Variants in AACS observed in about 807,000 individuals in gnomAD.
The protein encoded by AACS is acetoacetyl-CoA synthetase, also known as acetoacetate-CoA ligase.
In AACS, 69 loss-of-function variants were observed where a neutral mutation model predicts 83.1. The ratio of observed to expected loss-of-function variants is 0.83; its 90% CI spans 0.68 to 1.01. AACS has a LOEUF of 1.01. Ranked by LOEUF, AACS falls within the 50% of genes least tolerant of loss-of-function variation. The pLI is 0.00. For missense variants in AACS, 866 were observed against 882.2 expected, an observed-to-expected ratio of 0.98 and a Z score of 0.23; for synonymous variants, 333 against 343.4, an observed-to-expected ratio of 0.97 and a Z score of 0.33.
In AACS at chr12:125,124,897, C is replaced by T; in HGVS notation, c.1187-5C>T. On this transcript the variant is annotated splice_region_variant and splice_polypyrimidine_tract_variant and intron_variant, in intron 11 of 17. Coordinates refer to ENST00000316519, the MANE Select transcript of AACS (RefSeq NM_023928.5). ...TTTTAATCTTTTGGTGACTCTGCACCCCAGTGGAAACCCACAGTCTCCAGA... is the reference window on the plus strand; with the variant it reads ...TTTTAATCTTTTGGTGACTCTGCACTCCAGTGGAAACCCACAGTCTCCAGA... The T allele has an allele frequency of 6.2e-7, 1 of 1,614,166 alleles. No homozygotes were observed. The highest frequency in any genetic ancestry group is 2.2e-5 in the East Asian group (1 of 44,884).
At chr12:125,136,623 G>A in intron 16 of AACS, 39 bp from the exon 17 acceptor site, 1 of 1,589,090 alleles carries the variant, frequency 6.3e-7, no homozygotes, top group Non-Finnish European at 8.6e-7. Flanking sequence ...ACACTGAGGG[G>A]CCCCCTGCGT....
At chr12:125,112,927 C>T (rs966277776) in intron 8 of AACS, among the ~76,000 whole-genome samples, 2 of 152,152 alleles carry the variant, frequency 1.3e-5, no homozygotes, top group Non-Finnish European at 2.9e-5. Context: ...GGAGAAACTG[C>T]CCCCGTGAGT....
chr12:125,074,648 TAC>T (rs1326483842), intron 2 of AACS, among the ~76,000 whole-genome samples: 3 of 151,514 alleles, frequency 2.0e-5, no homozygotes, highest in African/African-American at 7.3e-5. Flanking sequence ...TAAGTACATT[TAC>T]ATTGTTGTAG....
chr12:125,101,105 C>CT (rs1456953834), intron 5 of AACS: 1 of 152,220 alleles, frequency 6.6e-6, no homozygotes, highest in Admixed American at 6.5e-5. Context: ...TGGGCGATGG[C>CT]TACCCATGTT....
chr12:125,069,364 G>A (rs1004854246), intron 1 of AACS, among the ~76,000 whole-genome samples: 2 of 152,216 alleles, frequency 1.3e-5, no homozygotes, highest in Non-Finnish European at 2.9e-5. Context: ...CCGTGAGCCC[G>A]TCTTCCCAGA....
At chr12:125,136,997 C>T in intron 17 of AACS, 133 bp downstream of exon 17, 1 of 832,758 alleles carries the variant, frequency 1.2e-6, no homozygotes, top group South Asian at 1.7e-5. Context: ...CAACGCCATC[C>T]TCTCCCTGCC....
At position 125,099,545 on chromosome 12, in the gene AACS, G is replaced by A. The variant is rs78229655; in HGVS notation, c.571-3134G>A. On this transcript the variant is annotated intron_variant, in intron 5 of 17. Coordinates refer to ENST00000316519, the MANE Select transcript of AACS (RefSeq NM_023928.5). ...GCCACATGCTTCAGCTTAGTCACCTGCAATATGAGGGTGATAAGGCCACCC... is the reference window on the plus strand; with the variant it reads ...GCCACATGCTTCAGCTTAGTCACCTACAATATGAGGGTGATAAGGCCACCC... Among the ~76,000 whole-genome samples, 984 of 152,310 alleles carry A rather than the reference G, an allele frequency of 6.5e-3. 31 individuals are homozygous for A. In the East Asian group the frequency reaches 0.092, roughly 14 times the overall value.
intron 8 of AACS, among the ~76,000 whole-genome samples, chr12:125,112,678 C>CAAAAAAAAAAAAAA (rs56314902): frequency 1.4e-4 from 15 of 108,382 alleles, no homozygotes; most frequent in African/African-American, 2.3e-4. Flanking sequence ...GACTCTGTCT[C>CAAAAAAAAAAAAAA]AAAAAAAAAA....
intron 8 of AACS, among the ~76,000 whole-genome samples, chr12:125,109,002 C>G (rs546604600): frequency 2.0e-5 from 3 of 151,212 alleles, no homozygotes; most frequent in African/African-American, 7.3e-5. Context: ...TCAACCAAAC[C>G]TTTTATTTTT....
intron 1 of AACS, among the ~76,000 whole-genome samples, chr12:125,068,935 G>A (rs1018158682): frequency 1.3e-5 from 2 of 151,694 alleles, no homozygotes; most frequent in African/African-American, 4.8e-5. Flanking sequence ...CGCCTCCCGG[G>A]TTCAAGCAGT....
chr12:125,065,664 C>G lies in AACS; in HGVS notation c.80C>G (p.Thr27Arg). Reference protein sequence around the residue: ...VMWEPDSKKNTQMDRFRAAVG... With the variant: ...VMWEPDSKKNRQMDRFRAAVG... ...TGGGAGCCTGACAGTAAGAAGAACA[C>G]GCAGATGGACCGCTTCCGGGCGGCT... The change falls in exon 1 of 18, where the codon ACG (threonine) becomes AGG (arginine). Residue 27 changes from threonine (T) to arginine (R), a missense_variant. Physicochemically the swap from Thr to Arg is moderately conservative, Grantham distance 71 (BLOSUM62 -1). Transcript: ENST00000316519. 6.5e-7 allele frequency: 1 copy of G among 1,546,944 alleles called. No homozygotes were observed. Among genetic ancestry groups the G allele is most frequent in the Non-Finnish European group, 8.7e-7 (1 of 1,145,210 alleles).
intron 3 of AACS, among the ~76,000 whole-genome samples, chr12:125,079,484 C>T (rs147313920): frequency 5.9e-4 from 90 of 152,228 alleles, no homozygotes; most frequent in African/African-American, 2.0e-3. Context: ...CAGGCTCAAG[C>T]GATCCTCCCA....
At chr12:125,073,309 C>G (rs1352884695) in intron 1 of AACS, among the ~76,000 whole-genome samples, 1 of 152,160 alleles carries the variant, frequency 6.6e-6, no homozygotes, top group African/African-American at 2.4e-5. Context: ...GTAACACCTC[C>G]CAACATTATA....
intron 3 of AACS, chr12:125,078,238 C>G (rs11058029): frequency 5.9e-5 from 27 of 456,008 alleles, no homozygotes; most frequent in South Asian, 4.0e-4. Flanking sequence ...CAGTTCCCAC[C>G]GAGACTTACT....
rs1301389291 is a variant in AACS at position 125,105,462 on chromosome 12, C to T, written c.768-1659C>T. On this transcript the variant is annotated intron_variant, in intron 7 of 17. Transcript: ENST00000316519. ...GCGCTGGCTTTCTTTCATGCAACCT[C>T]GGATTTTGTGCCCCAGGTGTATGGA... 13 of 152,204 alleles carry T rather than the reference C, an allele frequency of 8.5e-5. No individual in the cohort carries two copies. The East Asian group carries it at 2.3e-3, about 27-fold the overall frequency. The allele number at this position is 152,204 out of a possible 1,614,324, so 9.4% of individuals were successfully genotyped here.
intron 7 of AACS, chr12:125,105,165 A>G (rs1267453423): frequency 2.6e-5 from 4 of 152,174 alleles, no homozygotes; most frequent in African/African-American, 7.2e-5. Flanking sequence ...TGGAGGTTAC[A>G]TTTCAACACG....
rs997653074 is a variant in AACS at position 125,086,386 on chromosome 12, G to C, written c.415G>C (p.Ala139Pro). 8.7e-6 allele frequency: 14 copies of C among 1,614,100 alleles called. No homozygotes were observed. Among genetic ancestry groups the C allele is most frequent in the Non-Finnish European group, 1.2e-5 (14 of 1,180,054 alleles). ...TTTTGAAGAGCTGAGGCAAGAAGTG[G>C]CTTTGTTTGCAGCAGCAATGAGGAA... ...VTFEELRQEV[A>P]LFAAAMRKMG... Residue 139 changes from alanine (A) to proline (P), a missense_variant, in exon 4 of 18, where the codon GCT (alanine) becomes CCT (proline). Coordinates refer to ENST00000316519, the MANE Select transcript of AACS (RefSeq NM_023928.5).
chr12:125,095,721 T>C (rs1363296867), intron 5 of AACS, among the ~76,000 whole-genome samples: 1 of 152,242 alleles, frequency 6.6e-6, no homozygotes, highest in Non-Finnish European at 1.5e-5. Flanking sequence ...CTGGGTTTCC[T>C]CCTCTTCCTC....
intron 7 of AACS, among the ~76,000 whole-genome samples, chr12:125,104,205 G>A (rs2136095977): frequency 6.6e-6 from 1 of 152,150 alleles, no homozygotes; most frequent in South Asian, 2.1e-4. Flanking sequence ...GCCTTGGGTC[G>A]GGGCCACTGG....
Sources: allele counts gnomAD v4.1 joint callset (sites outside exome capture counted in the v4.1 genomes callset), GRCh38; gene constraint gnomAD v4.1.1; transcripts MANE v1.5; gene names NCBI Gene and HGNC (gene_info 2026-07-23, HGNC 2026-07-21).